LUC7L2: variants seen among roughly 807,000 people sequenced by gnomAD.
LUC7L2 encodes the protein LUC7 like 2, pre-mRNA splicing factor.
In LUC7L2, 25 loss-of-function variants were observed where a neutral mutation model predicts 52.8. The observed-to-expected ratio is 0.47, with a 90% confidence interval of 0.34 to 0.66. The LOEUF (loss-of-function observed/expected upper bound fraction) is 0.66, where lower values mean the gene tolerates loss of function less well. Among genes scored for constraint, LUC7L2 ranks in the 30% least tolerant of loss-of-function variants. The pLI is 0.01. For missense variants in LUC7L2, 328 were observed against 497.8 expected, an observed-to-expected ratio of 0.66 and a Z score of 3.25; for synonymous variants, 144 against 160.9, an observed-to-expected ratio of 0.89 and a Z score of 0.80.
At chr7:139,398,065 G>A (rs1027488752) in intron 2 of LUC7L2, among the ~76,000 whole-genome samples, 1 of 152,026 alleles carries the variant, frequency 6.6e-6, no homozygotes, top group Non-Finnish European at 1.5e-5. Context: ...TGTTGCCCAG[G>A]CTAGGCTGGT....
At chr7:139,348,061 A>C (rs2131151501) in intron 1 of LUC7L2, among the ~76,000 whole-genome samples, 1 of 152,160 alleles carries the variant, frequency 6.6e-6, no homozygotes, top group Non-Finnish European at 1.5e-5. Flanking sequence ...TAATACTGAT[A>C]TTTTACTTTG....
intron 1 of LUC7L2, chr7:139,375,562 G>T (rs1800666174): frequency 2.0e-6 from 2 of 985,448 alleles, no homozygotes; most frequent in Admixed American, 6.1e-5. Flanking sequence ...GGCGTCTGGG[G>T]TTCAGTGGGG....
At position 139,359,938 on chromosome 7, in the gene LUC7L2, A is replaced by AG. The variant is rs561324745; in HGVS notation, c.-317dup. On this transcript the variant is annotated 5_prime_UTR_variant, in exon 1 of 10. Transcript: ENST00000354926. ...TGGCGGCGAGCGGCGTCAGAGCTTG[A>AG]GGGGGGGTTGACGGCTTCTGGCGGG... 248 of 417,852 alleles carry AG rather than the reference A, an allele frequency of 5.9e-4. No individual in the cohort carries two copies. The highest frequency in any genetic ancestry group is 3.0e-3 in the Middle Eastern group (5 of 1,658). 25.9% of individuals were successfully genotyped at this position (417,852 alleles called of 1,614,324 possible). A position where few individuals can be genotyped will look rare whatever the true frequency, so the allele number is the denominator to read the frequency against.
rs554700392 is a variant in LUC7L2, at chr7:139,389,701, CAT to C, written c.157-8895_157-8894del. On this transcript the variant is annotated intron_variant, in intron 2 of 9. Transcript: ENST00000354926. Reference sequence around the variant, plus strand: ...ATTGAGCTGTAATATAATATTATATCATATTATGTAACAAAATATTGAGTACC... The same window carrying C: ...ATTGAGCTGTAATATAATATTATATCATTATGTAACAAAATATTGAGTACC... Among the ~76,000 whole-genome samples the C allele has an allele frequency of 1.6e-4, 24 of 152,194 alleles. No individual in the cohort carries two copies. In the South Asian group the frequency reaches 2.5e-3, roughly 16 times the overall value.
rs1013560333 is a variant in LUC7L2, at chr7:139,388,684, A to G, written c.157-9915A>G. ...GATGCTGCTACTTAGATTTCCTGTT[A>G]TTACATCAAAATCATCTTGTCCAGA... On this transcript the variant is annotated intron_variant, in intron 2 of 9. Coordinates refer to ENST00000354926, the MANE Select transcript of LUC7L2 (RefSeq NM_016019.5). 2.7e-5 allele frequency among the ~76,000 whole-genome samples: 4 copies of G among 150,468 alleles called. No homozygotes were observed. In the Admixed American group the frequency reaches 2.7e-4, roughly 10 times the overall value.
chr7:139,377,184 T>G (rs868749807), intron 2 of LUC7L2, among the ~76,000 whole-genome samples: 1 of 152,268 alleles, frequency 6.6e-6, no homozygotes. Flanking sequence ...ATAAATATAA[T>G]AAACTCTAAA....
Position 139,422,733 on chromosome 7 carries a change from T to C in LUC7L2, c.*393T>C, listed in dbSNP as rs1795955661. 2.5e-6 allele frequency: 1 copy of C among 405,112 alleles called. No homozygotes were observed. Among genetic ancestry groups the C allele is most frequent in the Non-Finnish European group, 4.4e-6 (1 of 229,684 alleles). 25.1% of individuals were successfully genotyped at this position (405,112 alleles called of 1,614,324 possible). On this transcript the variant is annotated 3_prime_UTR_variant, in exon 10 of 10. Transcript: ENST00000354926. ...TTTTTAATTATTCTTCCTCTGACTT[T>C]GTATCCCTTAATACCTACACTCTCC...
intron 1 of LUC7L2, among the ~76,000 whole-genome samples, chr7:139,348,100 G>A (rs1021355548): frequency 1.3e-5 from 2 of 152,048 alleles, no homozygotes; most frequent in African/African-American, 2.4e-5. Context: ...AAAGGGTGAG[G>A]ATAGGTTAAT....
chr7:139,386,333 C>CA (rs1794190770), intron 2 of LUC7L2, among the ~76,000 whole-genome samples: 1 of 151,768 alleles, frequency 6.6e-6, no homozygotes, highest in Non-Finnish European at 1.5e-5. Context: ...CGATTAACCA[C>CA]AAACATCAAG....
chr7:139,397,985 G>C (rs1339982575), intron 2 of LUC7L2, among the ~76,000 whole-genome samples: 1 of 152,100 alleles, frequency 6.6e-6, no homozygotes, highest in Non-Finnish European at 1.5e-5. Context: ...CTATATCAAA[G>C]TCAACAGTCT....
chr7:139,410,035 G>C (rs1027147905), intron 7 of LUC7L2, among the ~76,000 whole-genome samples: 4 of 152,010 alleles, frequency 2.6e-5, no homozygotes, highest in African/African-American at 7.2e-5. Context: ...GTGAAACCCC[G>C]ACTCTACTAA....
chr7:139,349,325 G>A (rs1022364469), intron 1 of LUC7L2, among the ~76,000 whole-genome samples: 4 of 152,124 alleles, frequency 2.6e-5, no homozygotes, highest in South Asian at 2.1e-4. Context: ...AAGTGTATGC[G>A]TATTATGTTA....
chr7:139,377,352 G>A (rs749202699), intron 2 of LUC7L2, among the ~76,000 whole-genome samples: 4 of 151,320 alleles, frequency 2.6e-5, no homozygotes, highest in South Asian at 2.1e-4. Flanking sequence ...TCACAGGCGC[G>A]TGCCACCATG....
intron 2 of LUC7L2, among the ~76,000 whole-genome samples, chr7:139,395,049 G>T (rs371905507): frequency 6.6e-6 from 1 of 152,124 alleles, no homozygotes; most frequent in African/African-American, 2.4e-5. Context: ...GAACCACAGT[G>T]GATCAAAAAG....
chr7:139,350,882 GC>G (rs1323714473), intron 1 of LUC7L2, among the ~76,000 whole-genome samples: 7 of 152,074 alleles, frequency 4.6e-5, no homozygotes, highest in East Asian at 3.9e-4. Flanking sequence ...CACCATGTTG[GC>G]CAGGCTGGTC....
chr7:139,344,646 A>G (rs1039716358), intron 1 of LUC7L2, among the ~76,000 whole-genome samples: 3 of 149,986 alleles, frequency 2.0e-5, no homozygotes, highest in African/African-American at 7.3e-5. Context: ...ATTTGTTACT[A>G]TTTAGCACAA....
upstream of LUC7L2, among the ~76,000 whole-genome samples, chr7:139,357,359 C>G (rs781273152): frequency 2.6e-5 from 4 of 152,014 alleles, no homozygotes; most frequent in Non-Finnish European, 1.5e-5. Context: ...TTTCACTCCT[C>G]AATTTTGATC....
chr7:139,363,298 T>C (rs1799975810), intron 1 of LUC7L2: 1 of 942,892 alleles, frequency 1.1e-6, no homozygotes, highest in Non-Finnish European at 1.3e-6. Context: ...AAAGTTTGTA[T>C]ATGTGAATCA....
At chr7:139,407,141 T>G in intron 5 of LUC7L2, 33 bp from the exon 6 acceptor site, 1 of 1,589,368 alleles carries the variant, frequency 6.3e-7, no homozygotes, top group Non-Finnish European at 8.6e-7. Context: ...TAGTGAGATT[T>G]ATATGGTCAT....
Sources: allele counts gnomAD v4.1 joint callset (sites outside exome capture counted in the v4.1 genomes callset), GRCh38; gene constraint gnomAD v4.1.1; transcripts MANE v1.5; gene names NCBI Gene and HGNC (gene_info 2026-07-23, HGNC 2026-07-21).